The following SMN1 variants were observed in gnomAD, a reference collection of about 807,000 sequenced individuals.
SMN1 encodes survival of motor neuron 1, telomeric.
For missense variants in SMN1, 15 were observed against 17.1 expected, an observed-to-expected ratio of 0.88 and a Z score of 0.22; for synonymous variants, 3 against 5.1, an observed-to-expected ratio of 0.58 and a Z score of 0.56.
At chr5:70,955,863 GT>G (rs1319938490), downstream of SMN1, among the ~76,000 whole-genome samples, 1 of 131,424 alleles carries the variant, frequency 7.6e-6, no homozygotes, top group African/African-American at 2.9e-5. Flanking sequence ...ATCTTTAGAG[GT>G]AATTCATATA....
chr5:70,951,327 C>G (rs1749720340), intron 7 of SMN1, among the ~76,000 whole-genome samples: 1 of 151,234 alleles, frequency 6.6e-6, no homozygotes, highest in South Asian at 2.1e-4. Flanking sequence ...GGCTGGAGTG[C>G]AGTGGTGTAA....
downstream of SMN1, among the ~76,000 whole-genome samples, chr5:70,956,675 A>G (rs1302013575): frequency 6.7e-6 from 1 of 150,284 alleles, no homozygotes; most frequent in African/African-American, 2.4e-5. Flanking sequence ...ATTGGTCTAT[A>G]TCTCTGTTTT....
chr5:70,952,278 A>G (rs1279574411), intron 8 of SMN1, 161 bp from the exon 9 acceptor site: 16 of 1,414,628 alleles, frequency 1.1e-5, no homozygotes, highest in Non-Finnish European at 1.5e-5. Flanking sequence ...ACTAGTAGGC[A>G]GACCAGCAGA....
intron 7 of SMN1, 48 bp from the exon 8 acceptor site, chr5:70,951,893 C>G (rs752894183): frequency 1.1e-5 from 17 of 1,509,238 alleles, no homozygotes; most frequent in Non-Finnish European, 1.4e-5. Flanking sequence ...ATATAGCTAT[C>G]TATGTCTATA....
In SMN1 at chr5:70,950,273, C is replaced by T. The variant is rs1437078868; in HGVS notation, c.835-1668C>T. ...TCTCTACTAAAAATACAAAACTAGC[C>T]GGGCATGGTGGCGCATGCCTGTAAT... On this transcript the variant is annotated intron_variant, in intron 7 of 8. Transcript: ENST00000380707. Among the ~76,000 whole-genome samples, 11 of 146,072 alleles carry T rather than the reference C, an allele frequency of 7.5e-5. 1 individual carries two copies. The highest frequency in any genetic ancestry group is 1.1e-4 in the Non-Finnish European group (7 of 66,528).
At chr5:70,960,860 A>C in the SMN1 span, among the ~76,000 whole-genome samples, 1 of 149,360 alleles carries the variant, frequency 6.7e-6, no homozygotes, top group Non-Finnish European at 1.5e-5. Context: ...TGCACCCAGC[A>C]TAATTTTTGT....
chr5:70,958,676 A>G (rs1206336484), downstream of SMN1, among the ~76,000 whole-genome samples: 1 of 123,858 alleles, frequency 8.1e-6, no homozygotes, highest in East Asian at 2.3e-4. Flanking sequence ...GTGGTCTGAG[A>G]GACAGTTTGT....
At chr5:70,960,014 C>T in the SMN1 span, among the ~76,000 whole-genome samples, 1 of 141,934 alleles carries the variant, frequency 7.0e-6, no homozygotes, top group Non-Finnish European at 1.5e-5. Flanking sequence ...TTTATACCAA[C>T]ATGGAGAGTT....
At chr5:70,951,189 G>T (rs1749710085) in intron 7 of SMN1, among the ~76,000 whole-genome samples, 1 of 151,452 alleles carries the variant, frequency 6.6e-6, no homozygotes, top group Admixed American at 6.6e-5. Context: ...GACCTCCAGG[G>T]CTCAAGCAGT....
At chr5:70,959,504 G>A in the SMN1 span, among the ~76,000 whole-genome samples, 5 of 112,510 alleles carry the variant, frequency 4.4e-5, no homozygotes, top group African/African-American at 1.2e-4. Flanking sequence ...TGTGTACCAC[G>A]CTTAATGAAT....
chr5:70,958,874 AAT>A (rs2112844587), downstream of SMN1, among the ~76,000 whole-genome samples: 2 of 150,356 alleles, frequency 1.3e-5, 1 homozygote, highest in South Asian at 4.3e-4. Context: ...TAGAACTAGA[AAT>A]ACCATTTGAC....
the SMN1 span, among the ~76,000 whole-genome samples, chr5:70,959,640 TTG>T: frequency 3.1e-4 from 7 of 22,714 alleles, no homozygotes; most frequent in South Asian, 5.8e-3. Context: ...TGCATTTAAA[TTG>T]TTTTTTTTTT....
At chr5:70,943,595 T>G (rs1251419436) in intron 5 of SMN1, among the ~76,000 whole-genome samples, 1 of 66,176 alleles carries the variant, frequency 1.5e-5, no homozygotes. Flanking sequence ...CCTGAGGCGC[T>G]CTCAGATTGT....
At chr5:70,959,243 C>G in the SMN1 span, among the ~76,000 whole-genome samples, 1 of 148,448 alleles carries the variant, frequency 6.7e-6, no homozygotes, top group East Asian at 2.0e-4. Flanking sequence ...ACATCACACT[C>G]TGGGGACTGT....
chr5:70,935,758 GAAAAC>G (rs1355976071), intron 1 of SMN1, among the ~76,000 whole-genome samples: 2 of 149,564 alleles, frequency 1.3e-5, no homozygotes, highest in African/African-American at 2.5e-5. Flanking sequence ...TGTCTCAAGA[GAAAAC>G]AAAACAAAAC....
chr5:70,943,828 G>A (rs199914491), intron 5 of SMN1, among the ~76,000 whole-genome samples: 124 of 143,204 alleles, frequency 8.7e-4, no homozygotes, highest in East Asian at 8.3e-3. Context: ...TTGCTCTGTC[G>A]CTCAGGCTGG....
At chr5:70,955,786 G>C (rs1326008012), downstream of SMN1, among the ~76,000 whole-genome samples, 1 of 145,072 alleles carries the variant, frequency 6.9e-6, no homozygotes, top group Admixed American at 6.9e-5. Flanking sequence ...GTCTCAAAAA[G>C]AAAAAAAGTA....
At chr5:70,952,323 T>C in intron 8 of SMN1, 116 bp from the exon 9 acceptor site, 1 of 1,199,956 alleles carries the variant, frequency 8.3e-7, no homozygotes. Context: ...AACCTAGGCA[T>C]ACTGCACTGT....
chr5:70,952,559 A>AAT lies in SMN1; in HGVS notation c.*125_*126insTA. 2.2e-6 allele frequency: 1 copy of AAT among 447,402 alleles called. No individual in the cohort carries two copies. Among genetic ancestry groups the AAT allele is most frequent in the Middle Eastern group, 6.3e-4 (1 of 1,586 alleles). The allele number at this position is 447,402 out of a possible 1,614,324, so 27.7% of individuals were successfully genotyped here. A position where few individuals can be genotyped will look rare whatever the true frequency, so the allele number is the denominator to read the frequency against. On this transcript the variant is annotated 3_prime_UTR_variant, in exon 9 of 9. Coordinates refer to ENST00000380707, the MANE Select transcript of SMN1 (RefSeq NM_000344.4). ...TTCTTCAAAATATCAAGTGTTGGGA[A>AAT]AGAAAAAAGGAAGTGGAATGGGTAA...
Sources: gnomAD v4.1 joint callset for allele counts (sites outside exome capture counted in the v4.1 genomes callset) on GRCh38, gnomAD v4.1.1 for gene constraint, MANE v1.5 for transcripts, NCBI Gene and HGNC (gene_info 2026-07-23, HGNC 2026-07-21) for gene names.